Variants in VWA5B2 observed in about 807,000 individuals in gnomAD.
The protein encoded by VWA5B2 is von Willebrand factor A domain-containing protein 5B2.
In VWA5B2, 93 loss-of-function variants were observed where a neutral mutation model predicts 118.5. That is an observed-to-expected ratio of 0.79 (90% CI 0.66 to 0.93). The LOEUF (loss-of-function observed/expected upper bound fraction) is 0.93. Among genes scored for constraint, VWA5B2 ranks in the 40% least tolerant of loss-of-function variants. The probability of loss-of-function intolerance (pLI) is 0.00; values close to 1 mark genes in which losing one functional copy is unlikely to be tolerated. For synonymous variants in VWA5B2, 708 were observed against 716.3 expected, an observed-to-expected ratio of 0.99 and a Z score of 0.19; for missense variants, 1,546 against 1,672.8, an observed-to-expected ratio of 0.92 and a Z score of 1.32.
intron 8 of VWA5B2, 142 bp from the exon 9 acceptor site, chr3:184,236,010 T>C: frequency 4.1e-6 from 3 of 736,412 alleles, no homozygotes; most frequent in South Asian, 1.8e-5. Context: ...TGGCACACTT[T>C]CCCTCACACC....
In VWA5B2 at chr3:184,241,829, G is replaced by A. The variant is rs750946815; in HGVS notation, c.3520G>A (p.Ala1174Thr). 6 of 1,528,518 alleles carry A rather than the reference G, an allele frequency of 3.9e-6. No homozygotes were observed. The African/African-American group carries it at 8.2e-5, about 21-fold the overall frequency. 94.7% of individuals were successfully genotyped at this position (1,528,518 alleles called of 1,614,324 possible). A position where few individuals can be genotyped will look rare whatever the true frequency, so the allele number is the denominator to read the frequency against. The change falls in exon 20 of 20, where the codon GCC becomes ACC. Residue 1174 changes from alanine (A) to threonine (T), a missense_variant. Physicochemically the swap from Ala to Thr is moderately conservative, Grantham distance 58. Transcript: ENST00000691901. The surrounding 1 kb of genome is among the most constrained non-coding windows in gnomAD (Gnocchi z 5.1). The part of the protein sequence containing the change: ...GRTWATAVAL[A>T]WLEHRCAAAF... Reference sequence around the variant, plus strand: ...GACCTGGGCCACTGCCGTAGCACTCGCCTGGCTGGAGCACCGATGCGCCGC... The same window carrying A: ...GACCTGGGCCACTGCCGTAGCACTCACCTGGCTGGAGCACCGATGCGCCGC...
Position 184,239,613 on chromosome 3 carries a change from T to C in VWA5B2, c.2392+30T>C. The C allele has an allele frequency of 6.7e-7, 1 of 1,488,362 alleles. No homozygotes were observed. The highest frequency in any genetic ancestry group is 9.0e-7 in the Non-Finnish European group (1 of 1,110,400). 92.2% of individuals were successfully genotyped at this position (1,488,362 alleles called of 1,614,324 possible). On this transcript the variant is annotated intron_variant, in intron 15 of 19. Coordinates refer to ENST00000691901, the MANE Select transcript of VWA5B2 (RefSeq NM_001390846.1). The surrounding 1 kb of genome is among the most constrained non-coding windows in gnomAD (Gnocchi z 5.1). ...GTGTTGGATGGGGAGCTGGTTTCCCTGACACCAAAGAGGCCTTGGGGAGGT... is the reference window on the plus strand; with the variant it reads ...GTGTTGGATGGGGAGCTGGTTTCCCCGACACCAAAGAGGCCTTGGGGAGGT...
Position 184,237,284 on chromosome 3 carries a change from G to T in VWA5B2, c.1592G>T (p.Trp531Leu). The change falls in exon 12 of 20, where the codon TGG (tryptophan) becomes TTG (leucine). Residue 531 changes from tryptophan (W) to leucine (L), a missense_variant. By Grantham distance (61) the Trp-to-Leu change is moderately conservative. This residue lies in a region of VWA5B2 where 775 missense variants were observed against 882.3 expected (regional missense o/e 0.88). Transcript: ENST00000691901. This position sits in a 1 kb window ranked among gnomAD's most constrained non-coding sequence, Gnocchi z 5.6. ...EPALSDISVD[W>L]FVPDTVEALL... ...GCTTTGAGTGACATCTCTGTGGACT[G>T]GTTTGTGCCCGACACTGTGGAGGCA... 3 of 1,551,692 alleles carry T rather than the reference G, an allele frequency of 1.9e-6. No individual in the cohort carries two copies. Among genetic ancestry groups the T allele is most frequent in the Non-Finnish European group, 2.6e-6 (3 of 1,147,034 alleles).
intron 16 of VWA5B2, 185 bp from the exon 17 acceptor site, chr3:184,240,606 A>C (rs1388651994): frequency 1.2e-6 from 1 of 810,250 alleles, no homozygotes; most frequent in East Asian, 2.7e-5. Flanking sequence ...CTATGGGTTG[A>C]AGATTCAGCC....
In VWA5B2 at chr3:184,238,787, C is replaced by A. The variant is rs1449019492; in HGVS notation, c.2116C>A (p.Gln706Lys). The A allele has an allele frequency of 6.5e-7, 1 of 1,548,268 alleles. No individual in the cohort carries two copies. The highest frequency in any genetic ancestry group is 8.7e-7 in the Non-Finnish European group (1 of 1,144,994). ...TAGTGCTCCCTTGGAGCCCCCTTCT[C>A]AGCAGGGCTGCCGCAGTCTGGCCTG... ...EGSAPLEPPS[Q>K]QGCRSLAWGE... The change falls in exon 14 of 20, where the codon CAG becomes AAG. Residue 706 changes from glutamine to lysine, a missense_variant. By Grantham distance (53) the Gln-to-Lys change is moderately conservative (BLOSUM62 1). Transcript: ENST00000691901. This position sits in a 1 kb window ranked among gnomAD's most constrained non-coding sequence, Gnocchi z 5.0.
chr3:184,235,443 G>A, intron 8 of VWA5B2, 135 bp downstream of exon 8: 1 of 1,033,792 alleles, frequency 9.7e-7, no homozygotes, highest in Non-Finnish European at 1.4e-6. Context: ...GAAGCAGATG[G>A]CAACTCCTCA....
chr3:184,235,917 C>CA (rs1717931159), intron 8 of VWA5B2, among the ~76,000 whole-genome samples: 1 of 152,128 alleles, frequency 6.6e-6, no homozygotes, highest in Non-Finnish European at 1.5e-5. Context: ...CCCACACAGT[C>CA]ATGTATACCT....
At position 184,237,333 on chromosome 3, in the gene VWA5B2, AG is replaced by A; in HGVS notation, c.1642del (p.Ala548HisfsTer88). ...CACTGCTGACCCCCCGGGAGATCCC[AG>A]CACTCTACCCTGGGGACCAGCTGCT... ...EALLTPREIP[A>X]LYPGDQLLGY... On this transcript the variant is annotated frameshift_variant, in exon 12 of 20. Transcript: ENST00000691901. LOFTEE classifies it high-confidence loss of function. The surrounding 1 kb of genome is among the most constrained non-coding windows in gnomAD (Gnocchi z 5.6). 6.4e-7 allele frequency: 1 copy of A among 1,551,330 alleles called. No homozygotes were observed. The highest frequency in any genetic ancestry group is 8.7e-7 in the Non-Finnish European group (1 of 1,146,966).
At position 184,239,739 on chromosome 3, in the gene VWA5B2, C is replaced by T. The variant is rs759715113; in HGVS notation, c.2443C>T (p.Pro815Ser). Residue 815 changes from proline (P) to serine (S), a missense_variant, in exon 16 of 20, where the codon CCC becomes TCC. Around this residue, in one of 3 missense-constraint regions of VWA5B2, gnomAD observed 763 missense variants for 766.6 expected, o/e 1.00. Transcript: ENST00000691901. The surrounding 1 kb of genome is among the most constrained non-coding windows in gnomAD (Gnocchi z 5.1). The part of the protein sequence containing the change: ...PMDWDMLMEP[P>S]FLFTAVPPSG... ...GGACTGGGACATGCTGATGGAACCACCCTTCTTATTCACGGCTGTGCCTCC... is the reference window on the plus strand; with the variant it reads ...GGACTGGGACATGCTGATGGAACCATCCTTCTTATTCACGGCTGTGCCTCC... The T allele has an allele frequency of 2.3e-5, 34 of 1,504,798 alleles. 2 individuals are homozygous for T. The South Asian group carries it at 4.4e-4, about 20-fold the overall frequency. The allele number at this position is 1,504,798 out of a possible 1,614,324, so 93.2% of individuals were successfully genotyped here. A position where few individuals can be genotyped will look rare whatever the true frequency, so the allele number is the denominator to read the frequency against.
Position 184,241,223 on chromosome 3 carries a change from C to T in VWA5B2, c.2999C>T (p.Ser1000Leu), listed in dbSNP as rs1436202781. ...QRGSPAGAWD[S>L]DQNGNSKRAL... ...GGCTCTCCAGCAGGCGCCTGGGACTCGGACCAAAATGGCAACTCCAAGCGT... is the reference window on the plus strand; with the variant it reads ...GGCTCTCCAGCAGGCGCCTGGGACTTGGACCAAAATGGCAACTCCAAGCGT... Residue 1000 changes from serine to leucine, a missense_variant, in exon 19 of 20, where the codon TCG becomes TTG. Physicochemically the swap from Ser to Leu is moderately radical, Grantham distance 145 (BLOSUM62 -2). Coordinates refer to ENST00000691901, the MANE Select transcript of VWA5B2 (RefSeq NM_001390846.1). The surrounding 1 kb of genome is among the most constrained non-coding windows in gnomAD (Gnocchi z 5.1). 51 of 1,550,588 alleles carry T rather than the reference C, an allele frequency of 3.3e-5. No homozygotes were observed. Among genetic ancestry groups the T allele is most frequent in the Non-Finnish European group, 4.2e-5 (48 of 1,146,548 alleles).
rs899768809 is a variant in VWA5B2 at position 184,237,484 on chromosome 3, A to T, written c.1719+73A>T. 6 of 1,422,804 alleles carry T rather than the reference A, an allele frequency of 4.2e-6. No individual in the cohort carries two copies. In the African/African-American group the frequency reaches 5.7e-5, roughly 13 times the overall value. 88.1% of individuals were successfully genotyped at this position (1,422,804 alleles called of 1,614,324 possible). On this transcript the variant is annotated intron_variant, in intron 12 of 19. Transcript: ENST00000691901. The surrounding 1 kb of genome is among the most constrained non-coding windows in gnomAD (Gnocchi z 5.6). ...GGCCTGGGATGGCTGAAGTCCCCGCATCTCTTCCAAACCCTTTTTCCATTC... is the reference window on the plus strand; with the variant it reads ...GGCCTGGGATGGCTGAAGTCCCCGCTTCTCTTCCAAACCCTTTTTCCATTC...
In VWA5B2 at chr3:184,233,860, G is replaced by A. The variant is rs1374214820; in HGVS notation, c.688+127G>A. ...AAAAAGACAGGGACCCCAGCCTCCG[G>A]AACATCTGGGTTAGTGGTGGGAGCA... On this transcript the variant is annotated intron_variant, in intron 5 of 19. Transcript: ENST00000691901. The surrounding 1 kb of genome is among the most constrained non-coding windows in gnomAD (Gnocchi z 5.2). 4 of 1,312,470 alleles carry A rather than the reference G, an allele frequency of 3.0e-6. No homozygotes were observed. Among genetic ancestry groups the A allele is most frequent in the Non-Finnish European group, 4.1e-6 (4 of 974,846 alleles). 81.3% of individuals were successfully genotyped at this position (1,312,470 alleles called of 1,614,324 possible).
chr3:184,240,301 A>G, intron 16 of VWA5B2: 1 of 419,118 alleles, frequency 2.4e-6, no homozygotes, highest in East Asian at 3.7e-5. Flanking sequence ...GCTTCCTAGC[A>G]GCCAGCACAG....
chr3:184,239,699 C>T lies in VWA5B2; in HGVS notation c.2403C>T (p.Leu801=). 6.8e-7 allele frequency: 1 copy of T among 1,466,906 alleles called. No individual in the cohort carries two copies. The highest frequency in any genetic ancestry group is 9.1e-7 in the Non-Finnish European group (1 of 1,102,820). 90.9% of individuals were successfully genotyped at this position (1,466,906 alleles called of 1,614,324 possible). Residue 801 remains leucine, a synonymous_variant, in exon 16 of 20, where the codon CTC becomes CTT. Coordinates refer to ENST00000691901, the MANE Select transcript of VWA5B2 (RefSeq NM_001390846.1). This position sits in a 1 kb window ranked among gnomAD's most constrained non-coding sequence, Gnocchi z 5.1. ...GQGLDDSGNL[L]SPAPMDWDML... ...GTCTTGCCTCCCCAGGAAACCTGCT[C>T]TCCCCAGCCCCTATGGACTGGGACA...
At position 184,240,860 on chromosome 3, in the gene VWA5B2, C is replaced by T. The variant is rs972840876; in HGVS notation, c.2810C>T (p.Thr937Ile). 4.5e-6 allele frequency: 7 copies of T among 1,551,610 alleles called. No homozygotes were observed. Among genetic ancestry groups the T allele is most frequent in the Non-Finnish European group, 5.2e-6 (6 of 1,146,984 alleles). ...GTCAGCTCTGCCCCCTCCTGCTTCA[C>T]TTGCCCTGTAGCTGTGGATGCTACT... ...SKVSSAPSCFTCPVAVDATTR... is the reference protein window; with the variant it reads ...SKVSSAPSCFICPVAVDATTR... Residue 937 changes from threonine to isoleucine, a missense_variant, in exon 17 of 20, where the codon ACT becomes ATT. By Grantham distance (89) the Thr-to-Ile change is moderately conservative (BLOSUM62 -1). Around this residue, in one of 3 missense-constraint regions of VWA5B2, gnomAD observed 763 missense variants for 766.6 expected, o/e 1.00. Coordinates refer to ENST00000691901, the MANE Select transcript of VWA5B2 (RefSeq NM_001390846.1).
intron 1 of VWA5B2, among the ~76,000 whole-genome samples, chr3:184,229,986 A>G (rs1044927269): frequency 7.2e-5 from 11 of 152,278 alleles, no homozygotes; most frequent in African/African-American, 2.2e-4. Flanking sequence ...ATGAGGCACC[A>G]GGGAGAGAAA....
rs917177046 is a variant in VWA5B2 at position 184,238,935 on chromosome 3, T to C, written c.2202+62T>C. ...GCAAATATTTATTTACCACCTGCTGTGCACCAGATATTATGTAGAGTTTAC... is the reference window on the plus strand; with the variant it reads ...GCAAATATTTATTTACCACCTGCTGCGCACCAGATATTATGTAGAGTTTAC... On this transcript the variant is annotated intron_variant, in intron 14 of 19. Transcript: ENST00000691901. This position sits in a 1 kb window ranked among gnomAD's most constrained non-coding sequence, Gnocchi z 5.0. 7.1e-7 allele frequency: 1 copy of C among 1,408,520 alleles called. No individual in the cohort carries two copies. The highest frequency in any genetic ancestry group is 9.4e-7 in the Non-Finnish European group (1 of 1,060,558). The allele number at this position is 1,408,520 out of a possible 1,614,324, so 87.3% of individuals were successfully genotyped here.
rs73884899 is a variant in VWA5B2, at chr3:184,233,207, C to G, written c.340C>G (p.Arg114Gly). The change falls in exon 4 of 20, where the codon CGG (arginine) becomes GGG (glycine). Residue 114 changes from arginine to glycine, a missense_variant. By Grantham distance (125) the Arg-to-Gly change is moderately radical. Coordinates refer to ENST00000691901, the MANE Select transcript of VWA5B2 (RefSeq NM_001390846.1). This position sits in a 1 kb window ranked among gnomAD's most constrained non-coding sequence, Gnocchi z 5.2. ...GHLVLDLAQARSTLVLPTGII... is the reference protein window; with the variant it reads ...GHLVLDLAQAGSTLVLPTGII... ...TCTTGTCTTGGATCTGGCCCAGGCCCGGTCCACGTTGGTGCTGCCCACAGG... is the reference window on the plus strand; with the variant it reads ...TCTTGTCTTGGATCTGGCCCAGGCCGGGTCCACGTTGGTGCTGCCCACAGG... The G allele has an allele frequency of 4.4e-4, 687 of 1,550,980 alleles. 4 individuals are homozygous for G. The African/African-American group carries it at 8.4e-3, about 19-fold the overall frequency.
Position 184,235,200 on chromosome 3 carries a change from C to T in VWA5B2, c.993C>T (p.Pro331=), listed in dbSNP as rs773730488. Residue 331 remains proline, a synonymous_variant, in exon 8 of 20, where the codon CCC becomes CCT. Coordinates refer to ENST00000691901, the MANE Select transcript of VWA5B2 (RefSeq NM_001390846.1). ...TCCACAAGGACATCCTGCTGAACCCCGTGCTGGCGCTGAGCTTCTGCCCAG... is the reference window on the plus strand; with the variant it reads ...TCCACAAGGACATCCTGCTGAACCCTGTGCTGGCGCTGAGCTTCTGCCCAG... ...RRFHKDILLN[P]VLALSFCPDL... is the part of the protein sequence containing the mutation. 35 of 1,551,546 alleles carry T rather than the reference C, an allele frequency of 2.3e-5. 1 individual carries two copies. Among genetic ancestry groups the T allele is most frequent in the South Asian group, 1.1e-4 (9 of 84,064 alleles).
Sources: gnomAD v4.1 joint callset for allele counts (sites outside exome capture counted in the v4.1 genomes callset) on GRCh38, gnomAD v4.1.1 for gene constraint, gnomAD v4.1.1 regional missense constraint, Gnocchi (gnomAD v3.1) non-coding constraint, MANE v1.5 for transcripts, NCBI Gene and HGNC (gene_info 2026-07-23, HGNC 2026-07-21) for gene names.